BNC2: variants seen among roughly 807,000 people sequenced by gnomAD.
BNC2 encodes basonuclin zinc finger protein 2, also known as zinc finger protein basonuclin-2.
Under a neutral mutation model 76.3 loss-of-function variants are expected in BNC2, and 20 were observed. The ratio of observed to expected loss-of-function variants is 0.26; its 90% CI spans 0.18 to 0.38. The LOEUF is 0.38. Ranked by LOEUF, BNC2 falls within the 10% of genes least tolerant of loss-of-function variation. The pLI is 1.00. For missense variants in BNC2, 1,382 were observed against 1,399.8 expected, an observed-to-expected ratio of 0.99 and a Z score of 0.20; for synonymous variants, 582 against 514.8, an observed-to-expected ratio of 1.13 and a Z score of -1.77.
At chr9:16,779,682 G>A (rs1233445545) in intron 1 of BNC2, among the ~76,000 whole-genome samples, 2 of 152,118 alleles carry the variant, frequency 1.3e-5, no homozygotes, top group African/African-American at 2.4e-5. Flanking sequence ...ATTGATATAT[G>A]GCACAACATG....
At chr9:16,750,504 C>G (rs763374486) in intron 1 of BNC2, among the ~76,000 whole-genome samples, 1 of 152,174 alleles carries the variant, frequency 6.6e-6, no homozygotes, top group South Asian at 2.1e-4. Context: ...ATACATTTGA[C>G]CAGTAGATCA....
At chr9:16,430,560 A>T (rs952703770) in intron 6 of BNC2, among the ~76,000 whole-genome samples, 12 of 152,330 alleles carry the variant, frequency 7.9e-5, no homozygotes, top group African/African-American at 2.6e-4. Flanking sequence ...AGAAGGTGGT[A>T]ACAGGAGGCA....
intron 5 of BNC2, among the ~76,000 whole-genome samples, chr9:16,454,231 G>C (rs2382803): frequency 0.55 from 83,568 of 151,992 alleles, 25,627 homozygotes; most frequent in African/African-American, 0.82. Context: ...TACAGAGTCT[G>C]TAAAATACAC....
chr9:16,640,005 T>C (rs969611050), intron 3 of BNC2, among the ~76,000 whole-genome samples: 12 of 152,260 alleles, frequency 7.9e-5, no homozygotes, highest in African/African-American at 2.9e-4. Flanking sequence ...AAGAGTGATT[T>C]TGATTTTTAC....
intron 1 of BNC2, among the ~76,000 whole-genome samples, chr9:16,771,370 T>G (rs1825827274): frequency 6.6e-6 from 1 of 152,196 alleles, no homozygotes; most frequent in South Asian, 2.1e-4. Context: ...TTCAACAGAT[T>G]GTGTAGGACA....
chr9:16,835,496 C>A (rs899871713), intron 1 of BNC2, among the ~76,000 whole-genome samples: 5 of 152,038 alleles, frequency 3.3e-5, no homozygotes, highest in Non-Finnish European at 7.4e-5. Flanking sequence ...GTCAGGAGTT[C>A]GAGGCCAGCC....
intron 3 of BNC2, among the ~76,000 whole-genome samples, chr9:16,657,432 G>A (rs985378225): frequency 3.3e-5 from 5 of 152,196 alleles, no homozygotes; most frequent in African/African-American, 1.2e-4. Flanking sequence ...TCAGATGAGA[G>A]GTCAGCGCTC....
chr9:16,748,527 G>A (rs1457734966), intron 1 of BNC2, among the ~76,000 whole-genome samples: 3 of 150,680 alleles, frequency 2.0e-5, no homozygotes, highest in African/African-American at 4.9e-5. Flanking sequence ...CATTTAAAAA[G>A]AAGGAATCCA....
At chr9:16,571,030 A>G (rs75874828) in intron 4 of BNC2, among the ~76,000 whole-genome samples, 2,272 of 152,310 alleles carry the variant, frequency 0.015, 62 homozygotes, top group African/African-American at 0.052. Flanking sequence ...GGGCACAATC[A>G]AAAGAGTCAA....
At chr9:16,831,951 T>A (rs761198953) in intron 1 of BNC2, among the ~76,000 whole-genome samples, 2 of 152,194 alleles carry the variant, frequency 1.3e-5, no homozygotes, top group Non-Finnish European at 2.9e-5. Flanking sequence ...TTTGAAGAGT[T>A]TACCCATAAT....
At chr9:16,699,266 T>C (rs1823438054) in intron 3 of BNC2, 1 of 466,516 alleles carries the variant, frequency 2.1e-6, no homozygotes, top group African/African-American at 2.0e-5. Context: ...TATAGAAGCA[T>C]GCATGGGTTA....
At chr9:16,509,660 G>C (rs1303310198) in intron 5 of BNC2, among the ~76,000 whole-genome samples, 1 of 152,218 alleles carries the variant, frequency 6.6e-6, no homozygotes, top group Admixed American at 6.5e-5. Context: ...GATCTATTCA[G>C]TTCCATACCA....
At chr9:16,815,989 G>C (rs1041028670) in intron 1 of BNC2, among the ~76,000 whole-genome samples, 1 of 152,032 alleles carries the variant, frequency 6.6e-6, no homozygotes, top group Non-Finnish European at 1.5e-5. Flanking sequence ...GTTTTAACTG[G>C]AAAGTTAAAA....
intron 1 of BNC2, among the ~76,000 whole-genome samples, chr9:16,802,973 A>G (rs1350106633): frequency 6.6e-6 from 1 of 152,238 alleles, no homozygotes; most frequent in African/African-American, 2.4e-5. Flanking sequence ...TTTGGTTGGT[A>G]AAATAGAGTA....
chr9:16,752,541 A>G lies in BNC2; in HGVS notation c.4-14056T>C, dbSNP rs115974115. Among the ~76,000 whole-genome samples, 841 of 152,322 alleles carry G rather than the reference A, an allele frequency of 5.5e-3. 9 individuals are homozygous for G. The highest frequency in any genetic ancestry group is 0.02 in the African/African-American group (815 of 41,566). On this transcript the variant is annotated intron_variant, in intron 1 of 6. Transcript: ENST00000380672. ...AATCTTAGAAGTAAAATTCTTACGC[A>G]GTCTTAGAGAACAAGTCATTCTTAC...
At chr9:16,492,348 C>T (rs1410065314) in intron 5 of BNC2, among the ~76,000 whole-genome samples, 1 of 152,170 alleles carries the variant, frequency 6.6e-6, no homozygotes, top group African/African-American at 2.4e-5. Flanking sequence ...TTAATGAGCA[C>T]AACCATCCAT....
intron 3 of BNC2, among the ~76,000 whole-genome samples, chr9:16,722,698 T>C (rs1405539500): frequency 6.6e-6 from 1 of 152,214 alleles, no homozygotes; most frequent in Non-Finnish European, 1.5e-5. Context: ...TCCAAATTTG[T>C]GCACAGATTT....
At chr9:16,476,969 A>G (rs1821941631) in intron 5 of BNC2, among the ~76,000 whole-genome samples, 1 of 152,230 alleles carries the variant, frequency 6.6e-6, no homozygotes, top group South Asian at 2.1e-4. Context: ...TGTAGGATCC[A>G]GAAGAGCCTT....
chr9:16,669,826 T>C (rs528793196), intron 3 of BNC2, among the ~76,000 whole-genome samples: 3 of 152,282 alleles, frequency 2.0e-5, no homozygotes, highest in Non-Finnish European at 4.4e-5. Flanking sequence ...CATCCACTTA[T>C]AAGAAGCAAA....
Sources: allele counts gnomAD v4.1 joint callset (sites outside exome capture counted in the v4.1 genomes callset), GRCh38; gene constraint gnomAD v4.1.1; transcripts MANE v1.5; gene names NCBI Gene and HGNC (gene_info 2026-07-23, HGNC 2026-07-21).